The following NTPCR variants were observed in gnomAD, a reference collection of about 807,000 sequenced individuals.
NTPCR encodes the protein nucleoside-triphosphatase, cancer-related.
Under a neutral mutation model 19.5 loss-of-function variants are expected in NTPCR, and 15 were observed. That is an observed-to-expected ratio of 0.77 (90% CI 0.51 to 1.18). NTPCR has a LOEUF of 1.18. Among genes scored for constraint, NTPCR ranks in the 50% most tolerant of loss-of-function variants. The pLI, the probability that NTPCR is intolerant of heterozygous loss-of-function variation, is 0.00. For synonymous variants in NTPCR, 90 were observed against 95.8 expected (o/e 0.94, Z 0.36); for missense variants, 206 against 240.4 (o/e 0.86, Z 0.95).
rs963749909 is a variant in NTPCR, at chr1:232,978,080, C to T, written c.505-83C>T. The T allele has an allele frequency of 4.2e-6, 5 of 1,182,200 alleles. No individual in the cohort carries two copies. In the Admixed American group the frequency reaches 5.7e-5, roughly 13 times the overall value. 73.2% of individuals were successfully genotyped at this position (1,182,200 alleles called of 1,614,324 possible). On this transcript the variant is annotated intron_variant, in intron 4 of 4. Transcript: ENST00000366628. ...CCTCACCCTCTCCCAGCCTTCCAGGCGTTTCTTTTAGAGAGTTACCTAGCA... is the reference window on the plus strand; with the variant it reads ...CCTCACCCTCTCCCAGCCTTCCAGGTGTTTCTTTTAGAGAGTTACCTAGCA...
chr1:232,952,720 A>C (rs1411659214), intron 1 of NTPCR, among the ~76,000 whole-genome samples: 1 of 148,922 alleles, frequency 6.7e-6, no homozygotes, highest in African/African-American at 2.5e-5. Context: ...CCCCATTAGG[A>C]GTTATTGTCA....
intron 3 of NTPCR, among the ~76,000 whole-genome samples, chr1:232,956,882 A>C (rs990674983): frequency 3.3e-5 from 5 of 152,208 alleles, no homozygotes; most frequent in African/African-American, 4.8e-5. Context: ...AAAAGAAAAA[A>C]ACTTTATTGA....
intron 3 of NTPCR, among the ~76,000 whole-genome samples, chr1:232,957,604 GA>G (rs1247089649): frequency 3.3e-5 from 5 of 152,008 alleles, no homozygotes; most frequent in African/African-American, 4.8e-5. Flanking sequence ...TGTCAATTTA[GA>G]TGATCTTTTC....
intron 4 of NTPCR, among the ~76,000 whole-genome samples, chr1:232,973,976 G>A (rs532773793): frequency 6.6e-6 from 1 of 152,354 alleles, no homozygotes; most frequent in Admixed American, 6.5e-5. Flanking sequence ...AGTAACAGGA[G>A]ATGAGTGTGG....
intron 3 of NTPCR, chr1:232,966,661 C>G (rs1668824892): frequency 1.3e-5 from 2 of 152,190 alleles, no homozygotes; most frequent in East Asian, 1.9e-4. Flanking sequence ...TTATTCGTAG[C>G]TTCTCTTATC....
rs1335416802 is a variant in NTPCR, at chr1:232,981,331, G to A, written c.*3100G>A. On this transcript the variant is annotated 3_prime_UTR_variant, in exon 5 of 5. Coordinates refer to ENST00000366628, the MANE Select transcript of NTPCR (RefSeq NM_032324.3). ...AGTTATCAAGGGGGTGGGAACGCTG[G>A]TGGGCTGGAAAATGTGGAACAGACC... The A allele has an allele frequency of 6.6e-6, 1 of 152,120 alleles. No individual in the cohort carries two copies. Among genetic ancestry groups the A allele is most frequent in the African/African-American group, 2.4e-5 (1 of 41,404 alleles). The allele number at this position is 152,120 out of a possible 1,614,324, so 9.4% of individuals were successfully genotyped here.
At chr1:232,962,738 A>G (rs1668700250) in intron 3 of NTPCR, 1 of 152,208 alleles carries the variant, frequency 6.6e-6, no homozygotes, top group African/African-American at 2.4e-5. Flanking sequence ...GAAAACCAAC[A>G]TAGTTTGAAC....
rs1180528652 is a variant in NTPCR at position 232,982,364 on chromosome 1, GTGCCTCGGTA to G, written c.*4137_*4146del. 2.0e-5 allele frequency: 3 copies of G among 152,352 alleles called. No individual in the cohort carries two copies. Among genetic ancestry groups the G allele is most frequent in the Admixed American group, 6.5e-5 (1 of 15,310 alleles). The allele number at this position is 152,352 out of a possible 1,614,324, so 9.4% of individuals were successfully genotyped here. On this transcript the variant is annotated 3_prime_UTR_variant, in exon 5 of 5. Transcript: ENST00000366628. Reference sequence around the variant, plus strand: ...TGCCTGCGGATGTGTGTGCACATCTGTGCCTCGGTATGCACACTCGAGATGCCCGCTCTCA... The same window carrying G: ...TGCCTGCGGATGTGTGTGCACATCTGTGCACACTCGAGATGCCCGCTCTCA...
intron 4 of NTPCR, chr1:232,977,490 T>A (rs1227484745): frequency 2.0e-5 from 3 of 152,146 alleles, no homozygotes; most frequent in Non-Finnish European, 4.4e-5. Flanking sequence ...CTCGGGATGG[T>A]GTGGTAGTGA....
chr1:232,965,279 G>A (rs1441849501), intron 3 of NTPCR: 4 of 152,236 alleles, frequency 2.6e-5, no homozygotes, highest in African/African-American at 7.2e-5. Context: ...ATCAAAGTGT[G>A]GAGGCGTATT....
At chr1:232,963,948 C>T (rs545245542) in intron 3 of NTPCR, 1 of 151,776 alleles carries the variant, frequency 6.6e-6, no homozygotes, top group Admixed American at 6.6e-5. Context: ...TACTTTACTC[C>T]TAAATGTTCA....
chr1:232,974,392 A>G (rs1247570183), intron 4 of NTPCR, among the ~76,000 whole-genome samples: 2 of 152,252 alleles, frequency 1.3e-5, no homozygotes, highest in Non-Finnish European at 2.9e-5. Context: ...GGAGACCTGG[A>G]ACATCAGGAA....
chr1:232,976,112 T>C (rs1285448919), intron 4 of NTPCR, among the ~76,000 whole-genome samples: 7 of 152,128 alleles, frequency 4.6e-5, no homozygotes, highest in African/African-American at 1.7e-4. Context: ...AATATTGGAG[T>C]GTTTGCATTC....
chr1:232,963,961 A>G (rs1668740655), intron 3 of NTPCR: 3 of 152,106 alleles, frequency 2.0e-5, no homozygotes, highest in South Asian at 2.1e-4. Flanking sequence ...AATGTTCAGT[A>G]TATTTTTCCT....
intron 4 of NTPCR, among the ~76,000 whole-genome samples, chr1:232,970,891 G>A (rs1470919601): frequency 2.0e-5 from 3 of 152,184 alleles, no homozygotes; most frequent in Non-Finnish European, 4.4e-5. Flanking sequence ...CATCACCTGG[G>A]AGTGGGCCTT....
chr1:232,983,654 C>G lies in NTPCR; in HGVS notation c.*5423C>G, dbSNP rs1479553235. 2.0e-5 allele frequency: 3 copies of G among 152,172 alleles called. No homozygotes were observed. Among genetic ancestry groups the G allele is most frequent in the African/African-American group, 7.2e-5 (3 of 41,424 alleles). The allele number at this position is 152,172 out of a possible 1,614,324, so 9.4% of individuals were successfully genotyped here. A position where few individuals can be genotyped will look rare whatever the true frequency, so the allele number is the denominator to read the frequency against. On this transcript the variant is annotated 3_prime_UTR_variant, in exon 5 of 5. Coordinates refer to ENST00000366628, the MANE Select transcript of NTPCR (RefSeq NM_032324.3). ...TTTCTAAACTCACATCCTAACGTAT[C>G]CTGGCTTTTCACAGAATACTGGAGA...
intron 3 of NTPCR, 73 bp from the exon 4 acceptor site, chr1:232,969,836 T>C: frequency 8.2e-7 from 1 of 1,225,424 alleles, no homozygotes; most frequent in South Asian, 1.2e-5. Context: ...GGTGAGTGAT[T>C]GGGGAGTGGG....
chr1:232,955,023 A>G (rs1245580061), intron 1 of NTPCR, among the ~76,000 whole-genome samples: 2 of 152,244 alleles, frequency 1.3e-5, no homozygotes, highest in African/African-American at 4.8e-5. Context: ...ATTAACAGGG[A>G]TGCTAATGAT....
intron 3 of NTPCR, chr1:232,962,967 A>G (rs1357246301): frequency 6.6e-6 from 1 of 152,226 alleles, no homozygotes. Flanking sequence ...ACTTGGCTTT[A>G]GAAAGAATGT....
Sources: gnomAD v4.1 joint callset for allele counts (sites outside exome capture counted in the v4.1 genomes callset) on GRCh38, gnomAD v4.1.1 for gene constraint, MANE v1.5 for transcripts, NCBI Gene and HGNC (gene_info 2026-07-23, HGNC 2026-07-21) for gene names.